DIAPH3: variants seen among roughly 807,000 people sequenced by gnomAD.
The protein encoded by DIAPH3 is diaphanous related formin 3, also known as protein diaphanous homolog 3.
In DIAPH3, 117 loss-of-function variants were observed where a neutral mutation model predicts 144.3. That is an observed-to-expected ratio of 0.81 (90% CI 0.70 to 0.95). DIAPH3 has a LOEUF of 0.95. Among genes scored for constraint, DIAPH3 ranks in the 40% least tolerant of loss-of-function variants. The pLI is 0.00. For missense variants in DIAPH3, 1,421 were observed against 1,412.7 expected, an observed-to-expected ratio of 1.01 and a Z score of -0.09; for synonymous variants, 519 against 488.9, an observed-to-expected ratio of 1.06 and a Z score of -0.81.
intron 27 of DIAPH3, among the ~76,000 whole-genome samples, chr13:59,733,162 C>A (rs1335266114): frequency 6.6e-6 from 1 of 152,072 alleles, no homozygotes; most frequent in Non-Finnish European, 1.5e-5. Context: ...AACTTTTCTT[C>A]TTACATCATA....
At chr13:60,157,917 G>T (rs1186903830) in intron 1 of DIAPH3, among the ~76,000 whole-genome samples, 1 of 152,064 alleles carries the variant, frequency 6.6e-6, no homozygotes, top group African/African-American at 2.4e-5. Flanking sequence ...ACAGAATTTG[G>T]GGCTACCCAT....
intron 4 of DIAPH3, among the ~76,000 whole-genome samples, chr13:60,084,555 A>G (rs770416742): frequency 4.6e-5 from 7 of 152,114 alleles, no homozygotes; most frequent in Non-Finnish European, 1.0e-4. Flanking sequence ...AAAATGCAGA[A>G]AAAAGGTTTT....
chr13:60,147,706 T>C (rs914193580), intron 1 of DIAPH3, among the ~76,000 whole-genome samples: 10 of 152,194 alleles, frequency 6.6e-5, no homozygotes, highest in Non-Finnish European at 1.0e-4. Context: ...GAATAGGAAC[T>C]GGAATTTCAG....
intron 27 of DIAPH3, among the ~76,000 whole-genome samples, chr13:59,773,098 A>T (rs987123929): frequency 6.6e-6 from 1 of 152,130 alleles, no homozygotes; most frequent in Non-Finnish European, 1.5e-5. Context: ...TTCACAGTGA[A>T]CTTCTCTTAT....
chr13:59,907,105 T>C (rs767158949), intron 20 of DIAPH3, among the ~76,000 whole-genome samples: 28 of 152,208 alleles, frequency 1.8e-4, no homozygotes, highest in Non-Finnish European at 3.2e-4. Flanking sequence ...TGACTCCAAT[T>C]AATGACAAAG....
At chr13:60,072,798 A>C (rs1163557771) in intron 4 of DIAPH3, among the ~76,000 whole-genome samples, 1 of 152,206 alleles carries the variant, frequency 6.6e-6, no homozygotes, top group Non-Finnish European at 1.5e-5. Context: ...GCTTTAACAA[A>C]TATATCTGCC....
intron 20 of DIAPH3, among the ~76,000 whole-genome samples, chr13:59,898,677 C>A (rs1217500244): frequency 6.6e-6 from 1 of 152,124 alleles, no homozygotes; most frequent in East Asian, 1.9e-4. Flanking sequence ...TTCCTGCCAC[C>A]ATAGATACTT....
chr13:60,059,033 A>T (rs1192642710), intron 4 of DIAPH3, among the ~76,000 whole-genome samples: 24 of 151,950 alleles, frequency 1.6e-4, no homozygotes, highest in Admixed American at 1.6e-3. Flanking sequence ...AATTAAAATT[A>T]AAAATATTAA....
At chr13:59,900,465 G>T (rs2046368274) in intron 20 of DIAPH3, among the ~76,000 whole-genome samples, 1 of 152,020 alleles carries the variant, frequency 6.6e-6, no homozygotes, top group African/African-American at 2.4e-5. Context: ...GTTAGTTTTT[G>T]AAACAAACTG....
At chr13:59,938,102 T>C (rs1594057275) in intron 17 of DIAPH3, among the ~76,000 whole-genome samples, 1 of 152,312 alleles carries the variant, frequency 6.6e-6, no homozygotes, top group East Asian at 1.9e-4. Flanking sequence ...ATGCCCCAGT[T>C]AGCATTCCAG....
chr13:59,767,003 G>A (rs1462632179), intron 27 of DIAPH3, among the ~76,000 whole-genome samples: 1 of 152,012 alleles, frequency 6.6e-6, no homozygotes, highest in Non-Finnish European at 1.5e-5. Context: ...CAACTTCTTT[G>A]TCACTGGTGG....
In DIAPH3 at chr13:59,839,432, C is replaced by T. The variant is rs760141037; in HGVS notation, c.2754G>A (p.Leu918=). The T allele has an allele frequency of 1.5e-5, 24 of 1,613,438 alleles. No individual in the cohort carries two copies. Among genetic ancestry groups the T allele is most frequent in the Non-Finnish European group, 2.0e-5 (24 of 1,179,690 alleles). The stretch of plus-strand genomic sequence containing the variant: ...TTCCCATCTGCCTCAAATTCTTTTC[C>T]AGCGTTTCTACAGAGACTAAAAGAG... ...DKASKVSVET[L]EKNLRQMGRQ... Residue 918 remains leucine (L), a synonymous_variant, in exon 23 of 28, where the codon CTG becomes CTA. Transcript: ENST00000400324.
In DIAPH3 at chr13:60,053,142, T is replaced by C. The variant is rs567123728; in HGVS notation, c.496-10322A>G. On this transcript the variant is annotated intron_variant, in intron 4 of 27. Coordinates refer to ENST00000400324, the MANE Select transcript of DIAPH3 (RefSeq NM_001042517.2). The stretch of plus-strand genomic sequence containing the variant: ...AAGGAAATTGAGGGGGAAAATATTA[T>C]ATTACAAGAATAATCAGAAATACTC... 3.3e-5 allele frequency among the ~76,000 whole-genome samples: 5 copies of C among 152,010 alleles called. No homozygotes were observed. The South Asian group carries it at 1.0e-3, about 32-fold the overall frequency.
At chr13:59,796,679 T>C (rs1566321824) in intron 25 of DIAPH3, among the ~76,000 whole-genome samples, 1 of 152,218 alleles carries the variant, frequency 6.6e-6, no homozygotes, top group African/African-American at 2.4e-5. Context: ...TACTGATCCA[T>C]ATTGTGGGCA....
chr13:60,088,250 A>G (rs2057816857), intron 4 of DIAPH3, among the ~76,000 whole-genome samples: 2 of 152,152 alleles, frequency 1.3e-5, no homozygotes, highest in African/African-American at 4.8e-5. Flanking sequence ...TGGAGACACA[A>G]TAAACACACT....
rs77884123 is a variant in DIAPH3 at position 59,678,594 on chromosome 13, G to A, written c.3320-11748C>T. Among the ~76,000 whole-genome samples the A allele has an allele frequency of 5.5e-4, 84 of 152,202 alleles. 2 individuals are homozygous for A. The East Asian group carries it at 0.015, about 28-fold the overall frequency. ...TGTGAAAAAAAATCCAGCAAACACC[G>A]TGAGCATGGATCTTTTTCCATTCCG... On this transcript the variant is annotated intron_variant, in intron 27 of 27. Transcript: ENST00000400324.
intron 25 of DIAPH3, among the ~76,000 whole-genome samples, chr13:59,781,195 T>C (rs376767): frequency 0.66 from 99,802 of 152,080 alleles, 33,216 homozygotes; most frequent in East Asian, 0.72. Flanking sequence ...AGGTCAAATA[T>C]GTAGGAAGGA....
chr13:59,929,610 C>T (rs1594027601), intron 17 of DIAPH3, among the ~76,000 whole-genome samples: 1 of 142,314 alleles, frequency 7.0e-6, no homozygotes, highest in East Asian at 2.1e-4. Context: ...TCGCCCAGGC[C>T]AGAGTGCAGC....
intron 9 of DIAPH3, among the ~76,000 whole-genome samples, chr13:59,997,675 C>T (rs1019213213): frequency 4.6e-5 from 7 of 152,014 alleles, no homozygotes; most frequent in African/African-American, 1.7e-4. Context: ...GCCCCATCCA[C>T]GAGGACCATC....
Sources: allele counts gnomAD v4.1 joint callset (sites outside exome capture counted in the v4.1 genomes callset), GRCh38; gene constraint gnomAD v4.1.1; transcripts MANE v1.5; gene names NCBI Gene and HGNC (gene_info 2026-07-23, HGNC 2026-07-21).